Variants in KNTC1 observed in about 807,000 individuals in gnomAD.
KNTC1 encodes kinetochore associated 1, also known as kinetochore-associated protein 1.
A neutral mutation model predicts 314.4 loss-of-function variants in KNTC1; 253 were observed. The ratio of observed to expected loss-of-function variants is 0.80; its 90% confidence interval spans 0.73 to 0.89. The LOEUF is 0.89. KNTC1 is among the 40% of genes least tolerant of loss of function. The pLI is 0.00. For synonymous variants in KNTC1, 901 were observed against 901.4 expected, an observed-to-expected ratio of 1.00 and a Z score of 0.01; for missense variants, 2,475 against 2,572.9, an observed-to-expected ratio of 0.96 and a Z score of 0.82.
chr12:122,585,412 G>C (rs529936302), intron 36 of KNTC1, among the ~76,000 whole-genome samples: 123 of 152,210 alleles, frequency 8.1e-4, no homozygotes, highest in African/African-American at 2.9e-3. Context: ...CCCTAGACCG[G>C]AAAACAACGT....
At chr12:122,591,309 G>T in intron 41 of KNTC1, 28 bp from the exon 42 acceptor site, 1 of 1,153,724 alleles carries the variant, frequency 8.7e-7, no homozygotes, top group South Asian at 1.2e-5. Context: ...ACTTACGATT[G>T]AACTTTAATT....
At chr12:122,613,597 T>G (rs772881621) in intron 54 of KNTC1, 29 bp from the exon 55 acceptor site, 1 of 1,570,262 alleles carries the variant, frequency 6.4e-7, no homozygotes, top group Admixed American at 2.0e-5. Context: ...CCTATGAGAA[T>G]GATTCTTAGA....
chr12:122,576,501 A>G (rs1965029786), intron 29 of KNTC1, among the ~76,000 whole-genome samples: 1 of 152,140 alleles, frequency 6.6e-6, no homozygotes, highest in Non-Finnish European at 1.5e-5. Context: ...CAACATGGTA[A>G]AACTCCGTCT....
chr12:122,594,487 C>T lies in KNTC1; in HGVS notation c.4355+102C>T, dbSNP rs547626315. Reference sequence around the variant, plus strand: ...TGATTATTTTATGAGGTCCATAGACCACTATTTTCTTTTGCTCATTCCCAA... The same window carrying T: ...TGATTATTTTATGAGGTCCATAGACTACTATTTTCTTTTGCTCATTCCCAA... On this transcript the variant is annotated intron_variant, in intron 43 of 63. Coordinates refer to ENST00000333479, the MANE Select transcript of KNTC1 (RefSeq NM_014708.6). 1.5e-4 allele frequency: 105 copies of T among 708,016 alleles called. 1 individual carries two copies. The highest frequency in any genetic ancestry group is 2.1e-4 in the Non-Finnish European group (86 of 406,176). 43.9% of individuals were successfully genotyped at this position (708,016 alleles called of 1,614,324 possible).
chr12:122,587,731 GTTATAAA>G lies in KNTC1; in HGVS notation c.3754_3760del (p.Ile1252ProfsTer17). 1 of 1,613,304 alleles carries G rather than the reference GTTATAAA, an allele frequency of 6.2e-7. No homozygotes were observed. The highest frequency in any genetic ancestry group is 1.1e-5 in the South Asian group (1 of 90,984). ...TGCAGGAGATGGCCTTGTTTTACCTGTTATAAATTCCATCTCTGCCCTGCTTCAGAAT... is the reference window on the plus strand; with the variant it reads ...TGCAGGAGATGGCCTTGTTTTACCTGTTCCATCTCTGCCCTGCTTCAGAAT... On this transcript the variant is annotated frameshift_variant, in exon 39 of 64. Coordinates refer to ENST00000333479, the MANE Select transcript of KNTC1 (RefSeq NM_014708.6). LOFTEE classifies it high-confidence loss of function.
At chr12:122,587,400 G>A (rs1364274956) in intron 38 of KNTC1, among the ~76,000 whole-genome samples, 1 of 152,152 alleles carries the variant, frequency 6.6e-6, no homozygotes, top group Non-Finnish European at 1.5e-5. Flanking sequence ...AAGTTCAGTA[G>A]ATTATGTGAT....
intron 16 of KNTC1, among the ~76,000 whole-genome samples, chr12:122,555,380 T>C (rs80236541): frequency 0.036 from 5,428 of 152,136 alleles, 349 homozygotes; most frequent in African/African-American, 0.12. Flanking sequence ...AGCAAAACGC[T>C]GTCTGTACTA....
intron 33 of KNTC1, 48 bp downstream of exon 33, chr12:122,580,718 C>A (rs1965361052): frequency 2.3e-6 from 3 of 1,292,706 alleles, no homozygotes; most frequent in Non-Finnish European, 3.2e-6. Flanking sequence ...CCAATCAGTG[C>A]ATTTTTCCCT....
At chr12:122,553,332 G>A (rs1382557565) in intron 16 of KNTC1, among the ~76,000 whole-genome samples, 2 of 152,004 alleles carry the variant, frequency 1.3e-5, no homozygotes, top group Non-Finnish European at 2.9e-5. Flanking sequence ...GCAGTTTAGG[G>A]ATAAAAGATG....
In KNTC1 at chr12:122,599,016, T is replaced by A. The variant is rs189808552; in HGVS notation, c.4563+1078T>A. ...AAAATTTTTTAAATTAAAAAAAAAA[T>A]TTTTTTGTGCAGATGAATCTCACTG... On this transcript the variant is annotated intron_variant, in intron 44 of 63. Coordinates refer to ENST00000333479, the MANE Select transcript of KNTC1 (RefSeq NM_014708.6). 9.1e-3 allele frequency among the ~76,000 whole-genome samples: 1,361 copies of A among 149,350 alleles called. 23 individuals carry two copies. The highest frequency in any genetic ancestry group is 0.063 in the South Asian group (305 of 4,814).
At chr12:122,538,832 T>C (rs1229887121) in intron 4 of KNTC1, among the ~76,000 whole-genome samples, 1 of 152,238 alleles carries the variant, frequency 6.6e-6, no homozygotes, top group Non-Finnish European at 1.5e-5. Flanking sequence ...AGGGAACTTT[T>C]AGCGCCTGTG....
At chr12:122,606,137 A>G (rs1398403940) in intron 51 of KNTC1, among the ~76,000 whole-genome samples, 2 of 151,800 alleles carry the variant, frequency 1.3e-5, no homozygotes. Flanking sequence ...TGCTGGGATT[A>G]CAGGCATAAG....
At chr12:122,603,825 C>T (rs1872270900) in intron 48 of KNTC1, among the ~76,000 whole-genome samples, 1 of 152,150 alleles carries the variant, frequency 6.6e-6, no homozygotes, top group African/African-American at 2.4e-5. Context: ...TTTAGATAGT[C>T]TCACATAACC....
At chr12:122,616,470 C>A (rs552728874) in intron 57 of KNTC1, among the ~76,000 whole-genome samples, 1 of 152,164 alleles carries the variant, frequency 6.6e-6, no homozygotes, top group Non-Finnish European at 1.5e-5. Context: ...ACCGTGTTAG[C>A]CAGGATGGTC....
chr12:122,619,750 AC>A (rs143624006), intron 59 of KNTC1, among the ~76,000 whole-genome samples: 11,530 of 152,210 alleles, frequency 0.076, 557 homozygotes, highest in Middle Eastern at 0.13. Context: ...GATTATTTTT[AC>A]AATGTCTACT....
chr12:122,594,410 T>G, intron 43 of KNTC1, 25 bp downstream of exon 43: 151 of 1,288,060 alleles, frequency 1.2e-4, no homozygotes, highest in Non-Finnish European at 1.5e-4. Context: ...ATTAACGGTA[T>G]TTTTGCTGTT....
In KNTC1 at chr12:122,622,489, A is replaced by G. The variant is rs781706275; in HGVS notation, c.6397A>G (p.Ile2133Val). Reference sequence around the variant, plus strand: ...TAGAAGTCTGATTTTGAATAATATCATCAATAAGAAGGAGTTTGGGATTTT... The same window carrying G: ...TAGAAGTCTGATTTTGAATAATATCGTCAATAAGAAGGAGTTTGGGATTTT... ...QIRSLILNNI[I>V]NKKEFGILAK... Residue 2133 changes from isoleucine (I) to valine (V), a missense_variant, in exon 62 of 64, where the codon ATC becomes GTC. Transcript: ENST00000333479. The G allele has an allele frequency of 2.5e-6, 4 of 1,581,798 alleles. No homozygotes were observed. Among genetic ancestry groups the G allele is most frequent in the South Asian group, 2.3e-5 (2 of 86,412 alleles).
At position 122,586,759 on chromosome 12, in the gene KNTC1, T is replaced by A; in HGVS notation, c.3730+2T>A. 1 of 1,354,506 alleles carries A rather than the reference T, an allele frequency of 7.4e-7. No homozygotes were observed. The highest frequency in any genetic ancestry group is 2.6e-5 in the East Asian group (1 of 38,244). The allele number at this position is 1,354,506 out of a possible 1,614,324, so 83.9% of individuals were successfully genotyped here. On this transcript the variant is annotated splice_donor_variant, in intron 38 of 63. Coordinates refer to ENST00000333479, the MANE Select transcript of KNTC1 (RefSeq NM_014708.6). LOFTEE classifies it high-confidence loss of function. The stretch of plus-strand genomic sequence containing the variant: ...TGCCATACTGCTCCCTTAATGAAGG[T>A]ATTTGGCACAAGAAATATATAGCAT...
rs934830106 is a variant in KNTC1, at chr12:122,620,356, C to T, written c.6150-123C>T. On this transcript the variant is annotated intron_variant, in intron 59 of 63. Transcript: ENST00000333479. ...TCATTCCTAAGCATATGTCATGCAC[C>T]AGCACTTTAGTGTTTAAAATTATTG... The T allele has an allele frequency of 7.8e-6, 6 of 772,574 alleles. No individual in the cohort carries two copies. The African/African-American group carries it at 1.1e-4, about 14-fold the overall frequency. The allele number at this position is 772,574 out of a possible 1,614,324, so 47.9% of individuals were successfully genotyped here. A position where few individuals can be genotyped will look rare whatever the true frequency, so the allele number is the denominator to read the frequency against.
Sources: allele counts gnomAD v4.1 joint callset (sites outside exome capture counted in the v4.1 genomes callset), GRCh38; gene constraint gnomAD v4.1.1; transcripts MANE v1.5; gene names NCBI Gene and HGNC (gene_info 2026-07-23, HGNC 2026-07-21).